MAF: variants seen among roughly 807,000 people sequenced by gnomAD.
MAF encodes the protein MAF bZIP transcription factor.
A neutral mutation model predicts 22.0 loss-of-function variants in MAF; 10 were observed. That is an observed-to-expected ratio of 0.45 (90% CI 0.28 to 0.77). The LOEUF is 0.77. MAF is among the 30% of genes least tolerant of loss of function. The probability of loss-of-function intolerance (pLI) is 0.12; values close to 1 mark genes in which losing one functional copy is unlikely to be tolerated. For missense variants in MAF, 544 were observed against 548.4 expected, an observed-to-expected ratio of 0.99 and a Z score of 0.08; for synonymous variants, 337 against 255.8, an observed-to-expected ratio of 1.32 and a Z score of -3.03.
chr16:79,494,036 T>G, the MAF span, among the ~76,000 whole-genome samples: 4 of 151,994 alleles, frequency 2.6e-5, no homozygotes, highest in Admixed American at 6.6e-5. Flanking sequence ...AAATGAGAAA[T>G]CTCTCCACTG....
chr16:79,374,820 T>C, the MAF span, among the ~76,000 whole-genome samples: 1 of 152,238 alleles, frequency 6.6e-6, no homozygotes. Context: ...TAGTATCTCA[T>C]TAATTCAGAA....
chr16:79,445,662 G>A, the MAF span, among the ~76,000 whole-genome samples: 3 of 152,188 alleles, frequency 2.0e-5, no homozygotes, highest in Admixed American at 6.5e-5. Flanking sequence ...GAAGGATGAA[G>A]GGAAAGAGTA....
the MAF span, among the ~76,000 whole-genome samples, chr16:79,567,693 T>A: frequency 6.6e-6 from 1 of 152,326 alleles, no homozygotes; most frequent in South Asian, 2.1e-4. Context: ...CCTCCCTGCC[T>A]ACCATCGCCT....
chr16:79,473,608 T>G, the MAF span, among the ~76,000 whole-genome samples: 32 of 152,242 alleles, frequency 2.1e-4, no homozygotes, highest in African/African-American at 7.2e-4. Flanking sequence ...GACCTCAGCC[T>G]CTCTCCTGAG....
At chr16:79,514,093 A>C in the MAF span, among the ~76,000 whole-genome samples, 68 of 152,334 alleles carry the variant, frequency 4.5e-4, no homozygotes, top group African/African-American at 1.6e-3. Flanking sequence ...GAAATGTTTA[A>C]CAGTTGTTTT....
At chr16:79,224,833 C>G in the MAF span, among the ~76,000 whole-genome samples, 7 of 152,140 alleles carry the variant, frequency 4.6e-5, no homozygotes, top group African/African-American at 1.4e-4. Context: ...TCAAGGAGAA[C>G]TACAAACCAC....
At chr16:79,219,034 C>G in the MAF span, among the ~76,000 whole-genome samples, 3 of 152,224 alleles carry the variant, frequency 2.0e-5, no homozygotes, top group Non-Finnish European at 4.4e-5. Context: ...ACATGTGCCA[C>G]ACCACTTAGA....
the MAF span, among the ~76,000 whole-genome samples, chr16:79,396,420 C>A: frequency 6.6e-6 from 1 of 152,180 alleles, no homozygotes; most frequent in South Asian, 2.1e-4. Flanking sequence ...GTGGAAACCA[C>A]AAGATAAGAA....
At chr16:79,370,073 T>A in the MAF span, among the ~76,000 whole-genome samples, 77 of 152,294 alleles carry the variant, frequency 5.1e-4, no homozygotes, top group African/African-American at 1.6e-3. Context: ...GACTAGTTAC[T>A]GGGTCAACCT....
the MAF span, among the ~76,000 whole-genome samples, chr16:79,430,025 A>G: frequency 1.3e-5 from 2 of 152,072 alleles, no homozygotes; most frequent in East Asian, 1.9e-4. Context: ...CTGGGGACCA[A>G]AGTCTTCTGC....
At chr16:79,297,285 A>G in the MAF span, among the ~76,000 whole-genome samples, 1 of 152,222 alleles carries the variant, frequency 6.6e-6, no homozygotes, top group Non-Finnish European at 1.5e-5. Context: ...ACTGAAAGCA[A>G]TGTAAAGCTT....
the MAF span, among the ~76,000 whole-genome samples, chr16:79,256,186 C>T: frequency 6.6e-6 from 1 of 151,106 alleles, no homozygotes; most frequent in Non-Finnish European, 1.5e-5. Flanking sequence ...GACGGGATTT[C>T]ACCATGTTAG....
the MAF span, among the ~76,000 whole-genome samples, chr16:79,462,183 G>A: frequency 3.3e-5 from 5 of 152,270 alleles, no homozygotes; most frequent in African/African-American, 9.6e-5. Context: ...ATGGCTAACC[G>A]TTGCTGATTC....
the MAF span, among the ~76,000 whole-genome samples, chr16:79,365,638 C>T: frequency 3.1e-4 from 47 of 152,042 alleles, 1 homozygote; most frequent in African/African-American, 1.1e-3. Flanking sequence ...CAACAGGGCT[C>T]ACTGGTATGT....
the MAF span, among the ~76,000 whole-genome samples, chr16:79,229,823 G>A: frequency 2.2e-4 from 34 of 151,996 alleles, no homozygotes; most frequent in Non-Finnish European, 2.9e-4. Context: ...GTGGTGAGAG[G>A]GTCCTAAATT....
chr16:79,423,389 C>T, the MAF span, among the ~76,000 whole-genome samples: 13 of 152,132 alleles, frequency 8.5e-5, no homozygotes, highest in African/African-American at 3.1e-4. Context: ...GTGATGTCAG[C>T]CCCTCCTATA....
At chr16:79,341,587 T>C in the MAF span, among the ~76,000 whole-genome samples, 1 of 152,236 alleles carries the variant, frequency 6.6e-6, no homozygotes, top group Non-Finnish European at 1.5e-5. Context: ...GACTATATAG[T>C]TCAGCATTTT....
At chr16:79,417,927 G>T in the MAF span, among the ~76,000 whole-genome samples, 1 of 152,124 alleles carries the variant, frequency 6.6e-6, no homozygotes, top group Non-Finnish European at 1.5e-5. Context: ...ATAAATTGCA[G>T]GGGTCCTCTG....
the MAF span, among the ~76,000 whole-genome samples, chr16:79,561,245 A>AT: frequency 0.072 from 10,564 of 147,726 alleles, 514 homozygotes; most frequent in Middle Eastern, 0.16. Flanking sequence ...TATTTTAAAC[A>AT]TTTTTTTTTC....
Sources: gnomAD v4.1 joint callset for allele counts (sites outside exome capture counted in the v4.1 genomes callset) on GRCh38, gnomAD v4.1.1 for gene constraint, MANE v1.5 for transcripts, NCBI Gene and HGNC (gene_info 2026-07-23, HGNC 2026-07-21) for gene names.